The following TGM6 variants were observed in gnomAD, a reference collection of about 807,000 sequenced individuals.
The protein encoded by TGM6 is protein-glutamine gamma-glutamyltransferase 6.
Under a neutral mutation model 77.5 loss-of-function variants are expected in TGM6, and 74 were observed. The observed-to-expected ratio is 0.96, with a 90% CI of 0.79 to 1.16. The LOEUF is 1.16. Ranked by LOEUF, TGM6 falls within the 50% of genes most tolerant of loss-of-function variation. TGM6 has a pLI of 0.00. For synonymous variants in TGM6, 383 were observed against 378.9 expected (o/e 1.01, Z -0.12); for missense variants, 968 against 940.2 (o/e 1.03, Z -0.39).
intron 1 of TGM6, among the ~76,000 whole-genome samples, chr20:2,385,664 A>G (rs1009491880): frequency 4.8e-5 from 7 of 147,120 alleles, no homozygotes; most frequent in African/African-American, 1.5e-4. Context: ...GAGAGGGATT[A>G]TGGGGTGGGT....
rs1330128456 is a variant in TGM6, at chr20:2,417,224, C to T, written c.1337-8C>T. ...TGCCTGCCGCTGACGTTGTGTGATG[C>T]CCTGCAGGGTCCCGGAAAGAGAGGC... On this transcript the variant is annotated splice_region_variant and splice_polypyrimidine_tract_variant and intron_variant, in intron 9 of 12. Transcript: ENST00000202625. The T allele has an allele frequency of 1.9e-6, 3 of 1,589,394 alleles. No homozygotes were observed. The highest frequency in any genetic ancestry group is 1.1e-5 in the South Asian group (1 of 87,522).
At chr20:2,384,857 G>T (rs182671894) in intron 1 of TGM6, among the ~76,000 whole-genome samples, 12 of 152,260 alleles carry the variant, frequency 7.9e-5, no homozygotes, top group Admixed American at 7.2e-4. Flanking sequence ...CTGTGCCTGG[G>T]GGGTACAGCC....
At chr20:2,415,269 AG>A (rs1468539254) in intron 9 of TGM6, among the ~76,000 whole-genome samples, 7 of 152,220 alleles carry the variant, frequency 4.6e-5, no homozygotes, top group Non-Finnish European at 1.0e-4. Flanking sequence ...TGATCAGACC[AG>A]GGTCACACAG....
intron 7 of TGM6, among the ~76,000 whole-genome samples, chr20:2,401,384 G>A (rs2084708123): frequency 6.6e-6 from 1 of 152,126 alleles, no homozygotes; most frequent in Admixed American, 6.6e-5. Context: ...TACATCTCCT[G>A]TCAGAGAGAT....
chr20:2,417,197 G>A (rs774077797), intron 9 of TGM6, 35 bp from the exon 10 acceptor site: 1 of 1,553,140 alleles, frequency 6.4e-7, no homozygotes, highest in South Asian at 1.2e-5. Flanking sequence ...GGAGCAAGGG[G>A]GTGCCTGCCG....
chr20:2,395,514 G>A (rs987919568), intron 3 of TGM6, 78 bp downstream of exon 3: 3 of 1,611,948 alleles, frequency 1.9e-6, no homozygotes, highest in Admixed American at 3.3e-5. Flanking sequence ...GAGGGGGCCT[G>A]GGAGGTGGGT....
rs371019294 is a variant in TGM6 at position 2,389,759 on chromosome 20, ATGCCATCCTGCGAC to A, written c.8-4690_8-4677del. 9.5e-3 allele frequency among the ~76,000 whole-genome samples: 1,449 copies of A among 152,324 alleles called. 28 individuals carry two copies. Among genetic ancestry groups the A allele is most frequent in the African/African-American group, 0.032 (1,323 of 41,578 alleles). On this transcript the variant is annotated intron_variant, in intron 1 of 12. Coordinates refer to ENST00000202625, the MANE Select transcript of TGM6 (RefSeq NM_198994.3). ...CCAGAAGACATGATGAAGTGATCAG[ATGCCATCCTGCGAC>A]TGTAGTGAATCAAGACAAAAACAAG...
chr20:2,388,082 G>A (rs2084607905), intron 1 of TGM6, among the ~76,000 whole-genome samples: 1 of 152,288 alleles, frequency 6.6e-6, no homozygotes, highest in South Asian at 2.1e-4. Context: ...GTGTCACTCT[G>A]TCTTAGCCAC....
At chr20:2,421,281 G>A (rs1047686803) in intron 10 of TGM6, among the ~76,000 whole-genome samples, 3 of 152,116 alleles carry the variant, frequency 2.0e-5, no homozygotes, top group Non-Finnish European at 4.4e-5. Context: ...CGCCGTGCCC[G>A]GCTCGAATTT....
At position 2,403,929 on chromosome 20, in the gene TGM6, C is replaced by A. The variant is rs546113485; in HGVS notation, c.1336+106C>A. ...GCCAGGCCTCACCCCATGTATATGA[C>A]GCTGACAGCAGCTTCCATTCACGTT... On this transcript the variant is annotated intron_variant, in intron 9 of 12. Transcript: ENST00000202625. 1.2e-4 allele frequency: 187 copies of A among 1,572,766 alleles called. No homozygotes were observed. The African/African-American group carries it at 2.2e-3, about 18-fold the overall frequency.
chr20:2,391,226 G>A (rs2084627634), intron 1 of TGM6, among the ~76,000 whole-genome samples: 1 of 151,850 alleles, frequency 6.6e-6, no homozygotes, highest in Non-Finnish European at 1.5e-5. Context: ...CCTCCCTTAG[G>A]TGTATGTTAG....
intron 9 of TGM6, among the ~76,000 whole-genome samples, chr20:2,408,064 CAGG>C (rs2084763507): frequency 6.6e-6 from 1 of 152,098 alleles, no homozygotes; most frequent in South Asian, 2.1e-4. Context: ...AAGATTTAGC[CAGG>C]AGATGAAAGG....
chr20:2,430,869 G>A (rs781701668), intron 11 of TGM6, 25 bp from the exon 12 acceptor site: 43 of 1,614,044 alleles, frequency 2.7e-5, no homozygotes, highest in Non-Finnish European at 3.6e-5. Context: ...TAGGCGCGAT[G>A]GCTCATGGGT....
intron 9 of TGM6, among the ~76,000 whole-genome samples, chr20:2,405,863 G>T (rs556036382): frequency 6.6e-6 from 1 of 152,306 alleles, no homozygotes; most frequent in East Asian, 1.9e-4. Flanking sequence ...TTGACTGGCT[G>T]TCTCCCACCT....
chr20:2,416,918 A>G (rs544096243), intron 9 of TGM6, among the ~76,000 whole-genome samples: 13 of 152,060 alleles, frequency 8.5e-5, no homozygotes, highest in African/African-American at 2.9e-4. Context: ...TGATGATAAT[A>G]CCTCTGTAGT....
intron 1 of TGM6, among the ~76,000 whole-genome samples, chr20:2,387,823 C>T (rs2084605919): frequency 6.6e-6 from 1 of 152,228 alleles, no homozygotes; most frequent in Non-Finnish European, 1.5e-5. Context: ...TCAGCTGGGG[C>T]AGATTGCCTG....
intron 10 of TGM6, among the ~76,000 whole-genome samples, chr20:2,421,058 C>A (rs1894866011): frequency 6.6e-6 from 1 of 152,006 alleles, no homozygotes; most frequent in African/African-American, 2.4e-5. Flanking sequence ...GCGATTTTGG[C>A]TCACTGCAAC....
Position 2,417,588 on chromosome 20 carries a change from G to C in TGM6, c.1678+15G>C, listed in dbSNP as rs748667411. 2 of 1,591,720 alleles carry C rather than the reference G, an allele frequency of 1.3e-6. No homozygotes were observed. Among genetic ancestry groups the C allele is most frequent in the Non-Finnish European group, 1.7e-6 (2 of 1,176,234 alleles). Reference sequence around the variant, plus strand: ...GCCGCAAGAAGGTAAGTGTACGCTGGCTTGGTGGAATCAGGCCAAACCACC... The same window carrying C: ...GCCGCAAGAAGGTAAGTGTACGCTGCCTTGGTGGAATCAGGCCAAACCACC... On this transcript the variant is annotated intron_variant, in intron 10 of 12. Transcript: ENST00000202625.
intron 7 of TGM6, among the ~76,000 whole-genome samples, chr20:2,400,736 G>C (rs115551429): frequency 0.013 from 2,020 of 151,140 alleles, 53 homozygotes; most frequent in African/African-American, 0.046. Context: ...CTGGGGTGGG[G>C]TGGGGTGGGA....
Sources: allele counts gnomAD v4.1 joint callset (sites outside exome capture counted in the v4.1 genomes callset), GRCh38; gene constraint gnomAD v4.1.1; transcripts MANE v1.5; gene names NCBI Gene and HGNC (gene_info 2026-07-23, HGNC 2026-07-21).